Variants in CELF2 observed in about 807,000 individuals in gnomAD.
CELF2 encodes CUG triplet repeat RNA-binding protein 2.
Under a neutral mutation model 62.6 loss-of-function variants are expected in CELF2, and 8 were observed. The observed-to-expected ratio is 0.13, with a 90% CI of 0.07 to 0.23. The LOEUF (loss-of-function observed/expected upper bound fraction) is 0.23. CELF2 is among the 10% of genes least tolerant of loss of function. The pLI is 1.00. For synonymous variants in CELF2, 258 were observed against 250.0 expected, an observed-to-expected ratio of 1.03 and a Z score of -0.30; for missense variants, 333 against 671.0, an observed-to-expected ratio of 0.50 and a Z score of 5.56.
chr10:10,704,528 TATA>T, the CELF2 span, among the ~76,000 whole-genome samples: 2 of 152,196 alleles, frequency 1.3e-5, no homozygotes, highest in Non-Finnish European at 2.9e-5. Flanking sequence ...TGAACAATAA[TATA>T]ATAATTAATA....
rs552688260 is a variant in CELF2 at position 10,858,687 on chromosome 10, A to G, written c.53+59870A>G. ...ATCCAGTGCCAGCACATAGTACTTG[A>G]TAATAAATTGTTGAATGAATGAAAG... is the stretch of plus-strand genomic sequence containing the variant. On this transcript the variant is annotated intron_variant, in intron 1 of 13. Transcript: ENST00000636488. Among the ~76,000 whole-genome samples the G allele has an allele frequency of 5.9e-5, 9 of 152,286 alleles. No individual in the cohort carries two copies. The South Asian group carries it at 1.2e-3, about 21-fold the overall frequency.
intron 1 of CELF2, among the ~76,000 whole-genome samples, chr10:10,893,129 G>GTTTAACTGCCCTTTAAAATA (rs1564780493): frequency 6.6e-6 from 1 of 152,174 alleles, no homozygotes; most frequent in East Asian, 1.9e-4. Context: ...TTAAAATACA[G>GTTTAACTGCCCTTTAAAATA]CAGCAAATTA....
At chr10:10,567,609 A>T in the CELF2 span, among the ~76,000 whole-genome samples, 1 of 152,166 alleles carries the variant, frequency 6.6e-6, no homozygotes, top group African/African-American at 2.4e-5. Context: ...AAAGGGGTTC[A>T]AGCCTGTATA....
the CELF2 span, among the ~76,000 whole-genome samples, chr10:10,659,218 G>C: frequency 1.3e-5 from 2 of 152,112 alleles, no homozygotes. Context: ...AAAGAAACAG[G>C]AGCATATTAA....
chr10:10,655,208 T>G, the CELF2 span, among the ~76,000 whole-genome samples: 2,262 of 142,878 alleles, frequency 0.016, 35 homozygotes, highest in Non-Finnish European at 0.02. Context: ...CACTGCTCAA[T>G]GAAATAAAAG....
the CELF2 span, among the ~76,000 whole-genome samples, chr10:10,713,440 G>A: frequency 6.6e-6 from 1 of 152,138 alleles, no homozygotes; most frequent in Non-Finnish European, 1.5e-5. Flanking sequence ...TCTAAACAAT[G>A]GAAGAACCCA....
At chr10:10,950,419 A>G (rs1367061034) in intron 2 of CELF2, among the ~76,000 whole-genome samples, 1 of 152,178 alleles carries the variant, frequency 6.6e-6, no homozygotes, top group Non-Finnish European at 1.5e-5. Flanking sequence ...GGATAAAGAC[A>G]AAGGAAATGT....
chr10:10,554,391 G>A, the CELF2 span, among the ~76,000 whole-genome samples: 1 of 152,148 alleles, frequency 6.6e-6, no homozygotes, highest in African/African-American at 2.4e-5. Context: ...ATCTGATTGT[G>A]TCCTTCTGTT....
chr10:10,592,121 C>A, the CELF2 span, among the ~76,000 whole-genome samples: 2 of 152,024 alleles, frequency 1.3e-5, no homozygotes, highest in Non-Finnish European at 2.9e-5. Context: ...AACTAGCGTA[C>A]AACCTTTCAA....
chr10:11,074,965 T>C lies in CELF2; in HGVS notation c.74+56802T>C, dbSNP rs1322849522. 2.6e-5 allele frequency: 4 copies of C among 152,228 alleles called. No individual in the cohort carries two copies. In the South Asian group the frequency reaches 8.3e-4, roughly 31 times the overall value. The allele number at this position is 152,228 out of a possible 1,614,324, so 9.4% of individuals were successfully genotyped here. On this transcript the variant is annotated intron_variant, in intron 1 of 12. Transcript: ENST00000633077. ...CCACTTACTGGAATTTGGGGACATATTTTCTCATAGAACTGGTTTGCATGT... is the reference window on the plus strand; with the variant it reads ...CCACTTACTGGAATTTGGGGACATACTTTCTCATAGAACTGGTTTGCATGT...
rs200006207 is a variant in CELF2 at position 11,209,636 on chromosome 10, G to GT, written c.272-7780dup. ...TTTTAATTCAGGGGATTTTTGATGG[G>GT]TTTTTTTTTAACCTTTAACTGCCTT... On this transcript the variant is annotated intron_variant, in intron 2 of 12. Transcript: ENST00000633077. Among the ~76,000 whole-genome samples, 459 of 148,472 alleles carry GT rather than the reference G, an allele frequency of 3.1e-3. 3 individuals carry two copies. The highest frequency in any genetic ancestry group is 9.4e-3 in the African/African-American group (380 of 40,246).
chr10:11,199,496 G>A (rs1383733559), intron 2 of CELF2, among the ~76,000 whole-genome samples: 1 of 152,096 alleles, frequency 6.6e-6, no homozygotes, highest in Non-Finnish European at 1.5e-5. Flanking sequence ...TGTAGAGCCT[G>A]AATCAGAAGG....
At chr10:10,562,148 G>A in the CELF2 span, among the ~76,000 whole-genome samples, 1 of 152,162 alleles carries the variant, frequency 6.6e-6, no homozygotes, top group Non-Finnish European at 1.5e-5. Flanking sequence ...TTTTAGAATT[G>A]CTGGATTTCC....
rs1565583931 is a variant in CELF2, at chr10:11,255,680, C to T, written c.404-2058C>T. Among the ~76,000 whole-genome samples the T allele has an allele frequency of 6.6e-6, 1 of 151,998 alleles. No homozygotes were observed. The highest frequency in any genetic ancestry group is 1.5e-5 in the Non-Finnish European group (1 of 67,998). ...AGAGCTGGGTGGAAGGGATTCTGAC[C>T]CCCCACTCACCGTCCCTGCCTCAAG... On this transcript the variant is annotated intron_variant, in intron 4 of 12. Coordinates refer to ENST00000633077, the MANE Select transcript of CELF2 (RefSeq NM_001326342.2). This position sits in a 1 kb window ranked among gnomAD's most constrained non-coding sequence, Gnocchi z 5.5.
chr10:10,498,569 G>T, the CELF2 span, among the ~76,000 whole-genome samples: 3 of 152,208 alleles, frequency 2.0e-5, no homozygotes, highest in Non-Finnish European at 4.4e-5. Flanking sequence ...AGTCCATCAC[G>T]CATGCCTTCT....
chr10:10,891,335 G>T (rs2062123282), intron 1 of CELF2, among the ~76,000 whole-genome samples: 1 of 152,054 alleles, frequency 6.6e-6, no homozygotes. Flanking sequence ...AAGAAATGCT[G>T]TTGCCTCCTC....
intron 6 of CELF2, among the ~76,000 whole-genome samples, chr10:11,266,992 G>A (rs898233685): frequency 6.6e-6 from 1 of 152,106 alleles, no homozygotes; most frequent in Non-Finnish European, 1.5e-5. Flanking sequence ...TGTCATTCTG[G>A]ACCTAAAGAA....
At chr10:10,998,934 ACT>A (rs2054243396) in intron 2 of CELF2, among the ~76,000 whole-genome samples, 1 of 152,110 alleles carries the variant, frequency 6.6e-6, no homozygotes, top group South Asian at 2.1e-4. Flanking sequence ...GAACTCCCAA[ACT>A]TTAGCATTTA....
At chr10:11,150,402 G>C (rs1450830102) in intron 1 of CELF2, among the ~76,000 whole-genome samples, 1 of 152,208 alleles carries the variant, frequency 6.6e-6, no homozygotes, top group East Asian at 1.9e-4. Flanking sequence ...GTTTTGAAAA[G>C]ACTTCCTTCA....
Sources: gnomAD v4.1 joint callset for allele counts (sites outside exome capture counted in the v4.1 genomes callset) on GRCh38, gnomAD v4.1.1 for gene constraint, Gnocchi (gnomAD v3.1) non-coding constraint, MANE v1.5 for transcripts, NCBI Gene and HGNC (gene_info 2026-07-23, HGNC 2026-07-21) for gene names.